The following SNU13 variants were observed in gnomAD, a reference collection of about 807,000 sequenced individuals.
The protein encoded by SNU13 is NHP2-like protein 1.
A neutral mutation model predicts 12.4 loss-of-function variants in SNU13; 2 were observed. The ratio of observed to expected loss-of-function variants is 0.16; its 90% CI spans 0.07 to 0.51. SNU13 has a LOEUF of 0.51. Ranked by LOEUF, SNU13 falls within the 20% of genes least tolerant of loss-of-function variation. The pLI, the probability that SNU13 is intolerant of heterozygous loss-of-function variation, is 0.96. For missense variants in SNU13, 66 were observed against 157.8 expected, an observed-to-expected ratio of 0.42 and a Z score of 3.12; for synonymous variants, 68 against 66.5, an observed-to-expected ratio of 1.02 and a Z score of -0.11.
Position 41,675,209 on chromosome 22 carries a change from G to T in SNU13, c.125-14C>A. On this transcript the variant is annotated splice_polypyrimidine_tract_variant and intron_variant, in intron 2 of 2. Coordinates refer to ENST00000401959, the MANE Select transcript of SNU13 (RefSeq NM_001003796.2). Reference sequence around the variant, plus strand: ...GGGTTTTGGTGGCTGCGGAGAGAAGGACGTGAAGCTAATAGGTGATGTGGG... The same window carrying T: ...GGGTTTTGGTGGCTGCGGAGAGAAGTACGTGAAGCTAATAGGTGATGTGGG... The T allele has an allele frequency of 6.2e-7, 1 of 1,610,742 alleles. No homozygotes were observed. Among genetic ancestry groups the T allele is most frequent in the South Asian group, 1.1e-5 (1 of 91,022 alleles).
At chr22:41,677,476 G>C (rs894561786) in intron 2 of SNU13, among the ~76,000 whole-genome samples, 1 of 152,120 alleles carries the variant, frequency 6.6e-6, no homozygotes, top group Non-Finnish European at 1.5e-5. Context: ...AGTGAGCCAT[G>C]ATCAATGCCA....
chr22:41,688,876 C>A, upstream of SNU13: 1 of 1,507,412 alleles, frequency 6.6e-7, no homozygotes, highest in South Asian at 1.2e-5. Context: ...CGGAAAAACT[C>A]ACAGAAGCAG....
At chr22:41,689,012 T>C (rs1243524697), upstream of SNU13, 3 of 1,318,310 alleles carry the variant, frequency 2.3e-6, no homozygotes, top group Non-Finnish European at 2.9e-6. Flanking sequence ...ACTTTGGCGT[T>C]CTTATGAGCT....
At chr22:41,689,583 G>T (rs1489961992), upstream of SNU13, among the ~76,000 whole-genome samples, 3 of 149,640 alleles carry the variant, frequency 2.0e-5, no homozygotes, top group Non-Finnish European at 4.5e-5. Flanking sequence ...GGAGAATGCC[G>T]TGAACCCCGG....
chr22:41,687,059 G>A (rs1352827780), intron 1 of SNU13, among the ~76,000 whole-genome samples: 1 of 150,146 alleles, frequency 6.7e-6, no homozygotes, highest in Admixed American at 6.6e-5. Context: ...AGGTTCAAGC[G>A]ATTCTCCTTG....
chr22:41,675,627 G>A (rs1331464958), intron 2 of SNU13, among the ~76,000 whole-genome samples: 1 of 151,514 alleles, frequency 6.6e-6, no homozygotes, highest in African/African-American at 2.4e-5. Context: ...TCACCATGTT[G>A]TCCAGGCTGG....
intron 1 of SNU13, chr22:41,682,300 G>C: frequency 1.3e-6 from 2 of 1,546,144 alleles, no homozygotes; most frequent in Non-Finnish European, 1.8e-6. Flanking sequence ...CCACGCTCGC[G>C]GCACCACAGC....
chr22:41,682,893 C>A (rs1291731600), intron 1 of SNU13, among the ~76,000 whole-genome samples: 2 of 152,210 alleles, frequency 1.3e-5, no homozygotes, highest in African/African-American at 4.8e-5. Context: ...AGGTCATCTG[C>A]CTGCCTCAGC....
intron 1 of SNU13, among the ~76,000 whole-genome samples, chr22:41,681,005 T>G (rs2068258977): frequency 1.3e-5 from 2 of 152,228 alleles, no homozygotes; most frequent in South Asian, 4.1e-4. Context: ...AATCTTTAAA[T>G]TTGAACTTCC....
At position 41,675,057 on chromosome 22, in the gene SNU13, G is replaced by C. The variant is rs1345845270; in HGVS notation, c.263C>G (p.Ala88Gly). Residue 88 changes from alanine to glycine, a missense_variant, in exon 3 of 3, where the codon GCC (alanine) becomes GGC (glycine). Ala to Gly is a moderately conservative substitution (Grantham distance 60). Coordinates refer to ENST00000401959, the MANE Select transcript of SNU13 (RefSeq NM_001003796.2). ...VPYVFVRSKQ[A>G]LGRACGVSRP... ...GGAGACCCCACAGGCTCTCCCCAGG[G>C]CCTGCTTGGAGCGCACAAACACGTA... 8 of 1,614,074 alleles carry C rather than the reference G, an allele frequency of 5.0e-6. No individual in the cohort carries two copies. Among genetic ancestry groups the C allele is most frequent in the Non-Finnish European group, 8.5e-7 (1 of 1,180,030 alleles).
At chr22:41,679,577 T>A (rs5751136) in intron 2 of SNU13, 115,596 of 151,578 alleles carry the variant, frequency 0.76, 44,616 homozygotes, top group East Asian at 0.94. Context: ...AATAAATAAA[T>A]AAAATAAAAT....
chr22:41,680,346 G>C lies in SNU13; in HGVS notation c.22C>G (p.Pro8Ala). MTEADVN[P>A]KAYPLADAHL... ...GCATCGGCAAGGGGATAGGCCTTTG[G>C]ATTCACATCAGCCTCAGTCTATGGG... is the stretch of plus-strand genomic sequence containing the variant. Residue 8 changes from proline (P) to alanine (A), a missense_variant, in exon 2 of 3, where the codon CCA becomes GCA. Pro to Ala is a conservative substitution (Grantham distance 27). Coordinates refer to ENST00000401959, the MANE Select transcript of SNU13 (RefSeq NM_001003796.2). The C allele has an allele frequency of 6.2e-7, 1 of 1,613,722 alleles. No individual in the cohort carries two copies. Among genetic ancestry groups the C allele is most frequent in the Non-Finnish European group, 8.5e-7 (1 of 1,179,814 alleles).
chr22:41,690,099 C>T (rs1490364337), upstream of SNU13, among the ~76,000 whole-genome samples: 1 of 152,074 alleles, frequency 6.6e-6, no homozygotes, highest in Admixed American at 6.6e-5. Flanking sequence ...GTAAAAGAGT[C>T]TTCAGGGTAA....
chr22:41,686,381 C>T (rs1395127298), intron 1 of SNU13, among the ~76,000 whole-genome samples: 10 of 148,752 alleles, frequency 6.7e-5, no homozygotes, highest in Non-Finnish European at 8.9e-5. Context: ...CTCGGCTCAC[C>T]GAAACCTCTG....
At chr22:41,684,138 C>T (rs1389686366) in intron 1 of SNU13, among the ~76,000 whole-genome samples, 1 of 152,136 alleles carries the variant, frequency 6.6e-6, no homozygotes, top group African/African-American at 2.4e-5. Context: ...CTCCTGACCT[C>T]AGGTGATCTA....
Position 41,674,901 on chromosome 22 carries a change from C to G in SNU13, c.*32G>C. 1.2e-6 allele frequency: 2 copies of G among 1,602,532 alleles called. No individual in the cohort carries two copies. Among genetic ancestry groups the G allele is most frequent in the Non-Finnish European group, 1.7e-6 (2 of 1,172,068 alleles). On this transcript the variant is annotated 3_prime_UTR_variant, in exon 3 of 3. Coordinates refer to ENST00000401959, the MANE Select transcript of SNU13 (RefSeq NM_001003796.2). ...ATGATACACAACCTCAGGGGGGAAG[C>G]TGGCAGGGAGCACGTGGCAGAGGCC...
intron 1 of SNU13, among the ~76,000 whole-genome samples, chr22:41,683,114 A>C (rs2068280907): frequency 6.6e-6 from 1 of 152,202 alleles, no homozygotes; most frequent in Non-Finnish European, 1.5e-5. Context: ...CTCCAGCCTC[A>C]GCCTCCAGAG....
chr22:41,680,203 T>C (rs745313041), intron 2 of SNU13, 41 bp downstream of exon 2: 7 of 1,578,160 alleles, frequency 4.4e-6, no homozygotes, highest in Non-Finnish European at 5.2e-6. Context: ...TGGAAACAGG[T>C]GCCTTTAACA....
upstream of SNU13, chr22:41,690,404 C>T (rs1198882480): frequency 5.6e-6 from 4 of 718,912 alleles, no homozygotes; most frequent in Non-Finnish European, 1.0e-5. Context: ...CTCCTAATTA[C>T]TTTTGAACAA....
Sources: gnomAD v4.1 joint callset for allele counts (sites outside exome capture counted in the v4.1 genomes callset) on GRCh38, gnomAD v4.1.1 for gene constraint, MANE v1.5 for transcripts, NCBI Gene and HGNC (gene_info 2026-07-23, HGNC 2026-07-21) for gene names.